Variants in CYTH1 observed in about 807,000 individuals in gnomAD.
CYTH1 encodes the protein cytohesin 1.
Under a neutral mutation model 61.8 loss-of-function variants are expected in CYTH1, and 18 were observed. The observed-to-expected ratio is 0.29, with a 90% CI of 0.20 to 0.43. CYTH1 has a LOEUF of 0.43. CYTH1 is among the 20% of genes least tolerant of loss of function. The pLI, the probability that CYTH1 is intolerant of heterozygous loss-of-function variation, is 1.00. For synonymous variants in CYTH1, 174 were observed against 184.3 expected, an observed-to-expected ratio of 0.94 and a Z score of 0.45; for missense variants, 336 against 510.5, an observed-to-expected ratio of 0.66 and a Z score of 3.29.
intron 1 of CYTH1, among the ~76,000 whole-genome samples, chr17:78,781,570 G>A (rs948838969): frequency 3.9e-5 from 6 of 152,026 alleles, no homozygotes; most frequent in African/African-American, 1.4e-4. Context: ...GGCGGCTACC[G>A]GGCCCAGACT....
chr17:78,692,312 C>T lies in CYTH1; in HGVS notation c.891+105G>A, dbSNP rs920361150. The T allele has an allele frequency of 1.8e-4, 219 of 1,184,142 alleles. 2 individuals are homozygous for T. The East Asian group carries it at 4.9e-3, about 27-fold the overall frequency. 73.4% of individuals were successfully genotyped at this position (1,184,142 alleles called of 1,614,324 possible). The stretch of plus-strand genomic sequence containing the variant: ...AACTCTCCCCCATCCCCCACAGATA[C>T]TGAAGGGCAAATCCAACGGTCTCCT... On this transcript the variant is annotated intron_variant, in intron 11 of 13. Coordinates refer to ENST00000446868, the MANE Select transcript of CYTH1 (RefSeq NM_004762.6).
intron 9 of CYTH1, among the ~76,000 whole-genome samples, chr17:78,696,499 A>G (rs1272887981): frequency 6.6e-6 from 1 of 152,234 alleles, no homozygotes; most frequent in Non-Finnish European, 1.5e-5. Context: ...GGCTATATGC[A>G]TACACAGACA....
At chr17:78,724,771 T>G (rs2093256471) in intron 1 of CYTH1, among the ~76,000 whole-genome samples, 1 of 152,166 alleles carries the variant, frequency 6.6e-6, no homozygotes, top group Non-Finnish European at 1.5e-5. Flanking sequence ...CTGCAAGCCC[T>G]GCCTCCACTG....
At position 78,675,996 on chromosome 17, in the gene CYTH1, G is replaced by A; in HGVS notation, c.*95C>T. ...TAGGAATCCAGGGCGGGGCCTGGCAGAGGACGCTCTGCTCGGCAGCAGTGC... is the reference window on the plus strand; with the variant it reads ...TAGGAATCCAGGGCGGGGCCTGGCAAAGGACGCTCTGCTCGGCAGCAGTGC... On this transcript the variant is annotated 3_prime_UTR_variant, in exon 14 of 14. Transcript: ENST00000446868. 1.3e-6 allele frequency: 2 copies of A among 1,550,816 alleles called. No individual in the cohort carries two copies. The highest frequency in any genetic ancestry group is 2.4e-5 in the South Asian group (2 of 83,814).
chr17:78,711,306 T>TAAATAAATA (rs1270598813), intron 1 of CYTH1, among the ~76,000 whole-genome samples: 2 of 98,706 alleles, frequency 2.0e-5, no homozygotes, highest in South Asian at 5.6e-4. Flanking sequence ...ATAAATAATA[T>TAAATAAATA]ATATATATAC....
At chr17:78,766,601 T>C (rs1259073745) in intron 1 of CYTH1, among the ~76,000 whole-genome samples, 1 of 152,164 alleles carries the variant, frequency 6.6e-6, no homozygotes, top group Admixed American at 6.5e-5. Context: ...AGATTAACAA[T>C]GGCTCTTTCA....
intron 1 of CYTH1, chr17:78,736,598 G>C: frequency 4.4e-6 from 1 of 225,914 alleles, no homozygotes; most frequent in Non-Finnish European, 1.0e-5. Flanking sequence ...ATCCTCACAG[G>C]ATTTCACATA....
intron 1 of CYTH1, among the ~76,000 whole-genome samples, chr17:78,765,628 T>C (rs2093445331): frequency 1.3e-5 from 2 of 152,058 alleles, no homozygotes; most frequent in Admixed American, 6.5e-5. Context: ...CTCTATTTTA[T>C]TGTCAGTTTG....
intron 9 of CYTH1, 142 bp from the exon 10 acceptor site, chr17:78,696,151 G>C: frequency 8.2e-7 from 1 of 1,216,576 alleles, no homozygotes; most frequent in Non-Finnish European, 1.1e-6. Context: ...GCCTGCCTGG[G>C]GAGAGAGCTG....
intron 1 of CYTH1, among the ~76,000 whole-genome samples, chr17:78,735,208 C>T (rs1487486411): frequency 6.6e-6 from 1 of 152,212 alleles, no homozygotes; most frequent in East Asian, 1.9e-4. Flanking sequence ...GCCCCACCCC[C>T]ATCACTCCCA....
intron 1 of CYTH1, among the ~76,000 whole-genome samples, chr17:78,738,941 T>C (rs961718327): frequency 1.4e-4 from 21 of 152,216 alleles, no homozygotes; most frequent in Admixed American, 8.5e-4. Flanking sequence ...TCACAGATGC[T>C]GCCAAAGTGC....
At chr17:78,687,414 T>C (rs2144108305) in intron 11 of CYTH1, among the ~76,000 whole-genome samples, 1 of 152,350 alleles carries the variant, frequency 6.6e-6, no homozygotes, top group African/African-American at 2.4e-5. Context: ...TATGGAGATT[T>C]GAAGTTGTCT....
intron 1 of CYTH1, among the ~76,000 whole-genome samples, chr17:78,710,221 G>A (rs1797718512): frequency 6.6e-6 from 1 of 152,104 alleles, no homozygotes; most frequent in South Asian, 2.1e-4. Context: ...TCTCTGGGAG[G>A]GGTTTGGAGA....
chr17:78,740,384 C>T (rs772397189), intron 1 of CYTH1, among the ~76,000 whole-genome samples: 24 of 152,234 alleles, frequency 1.6e-4, no homozygotes, highest in Non-Finnish European at 3.4e-4. Flanking sequence ...TGAGCTTCTG[C>T]TCCCACTATT....
At chr17:78,748,515 A>G (rs1465526545) in intron 1 of CYTH1, among the ~76,000 whole-genome samples, 1 of 152,256 alleles carries the variant, frequency 6.6e-6, no homozygotes, top group African/African-American at 2.4e-5. Context: ...TGATAAATAC[A>G]ATTGATCTTT....
rs1028968998 is a variant in CYTH1 at position 78,681,856 on chromosome 17, C to A, written c.892-814G>T. On this transcript the variant is annotated intron_variant, in intron 11 of 13. Coordinates refer to ENST00000446868, the MANE Select transcript of CYTH1 (RefSeq NM_004762.6). ...CTGTCTCAAAAAAAAAAAAAAAAAA[C>A]CAACCAGTTCTATGAGTTCTCTAAA... is the stretch of plus-strand genomic sequence containing the variant. Among the ~76,000 whole-genome samples the A allele has an allele frequency of 6.3e-4, 92 of 145,066 alleles. 1 individual carries two copies. The highest frequency in any genetic ancestry group is 1.6e-3 in the South Asian group (7 of 4,368).
intron 7 of CYTH1, among the ~76,000 whole-genome samples, chr17:78,699,412 T>C (rs980792380): frequency 6.6e-6 from 1 of 151,056 alleles, no homozygotes; most frequent in Non-Finnish European, 1.5e-5. Flanking sequence ...TGAATCCACA[T>C]GTACGGGTAC....
intron 1 of CYTH1, among the ~76,000 whole-genome samples, chr17:78,762,238 C>T (rs137946896): frequency 3.3e-5 from 5 of 152,228 alleles, no homozygotes; most frequent in African/African-American, 9.6e-5. Context: ...GTCTCTGTTC[C>T]GGTAATTTGA....
chr17:78,678,994 G>C (rs189560014), intron 13 of CYTH1, among the ~76,000 whole-genome samples: 149 of 152,300 alleles, frequency 9.8e-4, no homozygotes, highest in African/African-American at 3.5e-3. Context: ...CTTTTGAGAG[G>C]ATAAATCATC....
Sources: gnomAD v4.1 joint callset for allele counts (sites outside exome capture counted in the v4.1 genomes callset) on GRCh38, gnomAD v4.1.1 for gene constraint, MANE v1.5 for transcripts, NCBI Gene and HGNC (gene_info 2026-07-23, HGNC 2026-07-21) for gene names.